Variants in SCN4A observed in about 807,000 individuals in gnomAD.
SCN4A encodes sodium channel protein type 4 subunit alpha.
In SCN4A, 83 loss-of-function variants were observed where a neutral mutation model predicts 162.0. That is an observed-to-expected ratio of 0.51 (90% confidence interval 0.43 to 0.61). The LOEUF (loss-of-function observed/expected upper bound fraction) is 0.61. SCN4A is among the 20% of genes least tolerant of loss of function. The probability of loss-of-function intolerance (pLI) is 0.00; values close to 1 mark genes in which losing one functional copy is unlikely to be tolerated. For synonymous variants in SCN4A, 944 were observed against 985.1 expected (o/e 0.96, Z 0.78); for missense variants, 2,196 against 2,462.5 (o/e 0.89, Z 2.29).
In SCN4A at chr17:63,957,484, G is replaced by A. The variant is rs140022722; in HGVS notation, c.2054C>T (p.Thr685Met). The A allele has an allele frequency of 2.2e-5, 35 of 1,613,150 alleles. No individual in the cohort carries two copies. In the African/African-American group the frequency reaches 3.2e-4, roughly 15 times the overall value. ...AATGATCTTGATGAGCATGTTCAGCGTTGGCCACGACTTGGCCAGCTTGAA... is the reference window on the plus strand; with the variant it reads ...AATGATCTTGATGAGCATGTTCAGCATTGGCCACGACTTGGCCAGCTTGAA... ...RVFKLAKSWP[T>M]LNMLIKIIGN... The change falls in exon 13 of 24, where the codon ACG becomes ATG. Residue 685 changes from threonine to methionine, a missense_variant. Thr to Met is a moderately conservative substitution (Grantham distance 81). Transcript: ENST00000435607.
intron 22 of SCN4A, 22 bp downstream of exon 22, chr17:63,943,724 C>T (rs1214185018): frequency 1.0e-5 from 15 of 1,480,788 alleles, no homozygotes; most frequent in Non-Finnish European, 1.4e-5. Context: ...ACACACAGGA[C>T]AGGGGGCCCA....
intron 15 of SCN4A, 31 bp from the exon 16 acceptor site, chr17:63,948,796 A>G: frequency 6.4e-7 from 1 of 1,570,314 alleles, no homozygotes. Context: ...AGGGACAGGC[A>G]CCACATCATG....
At position 63,972,118 on chromosome 17, in the gene SCN4A, G is replaced by C; in HGVS notation, c.482+18C>G. ...CTGTGTCCCAGGGCTGGGGAGCTCA[G>C]GGAGCAGGGAGACTTACTCCACATT... On this transcript the variant is annotated intron_variant, in intron 3 of 23. Coordinates refer to ENST00000435607, the MANE Select transcript of SCN4A (RefSeq NM_000334.4). This position sits in a 1 kb window ranked among gnomAD's most constrained non-coding sequence, Gnocchi z 4.3. The C allele has an allele frequency of 6.3e-7, 1 of 1,593,006 alleles. No individual in the cohort carries two copies. Among genetic ancestry groups the C allele is most frequent in the Non-Finnish European group, 8.6e-7 (1 of 1,163,024 alleles).
intron 17 of SCN4A, 68 bp downstream of exon 17, chr17:63,947,822 C>A: frequency 4.6e-6 from 7 of 1,535,460 alleles, no homozygotes; most frequent in Non-Finnish European, 5.3e-6. Context: ...AGGGCGTGGG[C>A]TTCCTGAGGT....
chr17:63,948,235 G>A (rs1908791785), intron 16 of SCN4A, among the ~76,000 whole-genome samples, 172 bp from the exon 17 acceptor site: 1 of 152,134 alleles, frequency 6.6e-6, no homozygotes, highest in Admixed American at 6.5e-5. Flanking sequence ...GGGGATGAGA[G>A]CGTTTCCCAG....
chr17:63,949,291 G>A, intron 15 of SCN4A, 102 bp downstream of exon 15: 1 of 1,295,944 alleles, frequency 7.7e-7, no homozygotes, highest in East Asian at 2.6e-5. Context: ...GGGATGGCCA[G>A]GCAGCCCCAG....
chr17:63,972,850 C>A lies in SCN4A; in HGVS notation c.-9G>T. On this transcript the variant is annotated 5_prime_UTR_variant, in exon 1 of 24. Coordinates refer to ENST00000435607, the MANE Select transcript of SCN4A (RefSeq NM_000334.4). The surrounding 1 kb of genome is among the most constrained non-coding windows in gnomAD (Gnocchi z 4.3). ...AGAGATGGTCTGGCCATCCTCGCAT[C>A]CTGGGCTCAGAGACCAGAAGGGTGG... 1 of 1,600,712 alleles carries A rather than the reference C, an allele frequency of 6.2e-7. No individual in the cohort carries two copies. Among genetic ancestry groups the A allele is most frequent in the Non-Finnish European group, 8.5e-7 (1 of 1,172,430 alleles).
intron 12 of SCN4A, among the ~76,000 whole-genome samples, chr17:63,958,742 G>A (rs563097141): frequency 6.6e-6 from 1 of 152,296 alleles, no homozygotes; most frequent in South Asian, 2.1e-4. Flanking sequence ...TCGTAGAGAC[G>A]GAGTTTCACC....
chr17:63,960,741 A>G (rs1356893406), intron 11 of SCN4A, among the ~76,000 whole-genome samples: 1 of 151,756 alleles, frequency 6.6e-6, no homozygotes, highest in Non-Finnish European at 1.5e-5. Flanking sequence ...TGGGGGAGTA[A>G]CCCCTGCAGC....
intron 9 of SCN4A, 33 bp from the exon 10 acceptor site, chr17:63,963,858 C>T (rs1169476454): frequency 2.6e-6 from 4 of 1,568,572 alleles, no homozygotes; most frequent in Admixed American, 1.8e-5. Context: ...GGCAGGAAGT[C>T]CAGCTCTGAG....
intron 5 of SCN4A, among the ~76,000 whole-genome samples, chr17:63,969,696 T>C (rs747650221): frequency 1.3e-5 from 2 of 152,102 alleles, no homozygotes; most frequent in African/African-American, 4.8e-5. Context: ...CAGGCTGGAG[T>C]GCAGTGGTGT....
intron 18 of SCN4A, 60 bp downstream of exon 18, chr17:63,946,985 G>A: frequency 1.4e-6 from 2 of 1,463,204 alleles, no homozygotes; most frequent in Non-Finnish European, 1.9e-6. Context: ...CCTCCACCCT[G>A]CAGTGAAGGT....
chr17:63,943,331 T>A (rs1908607498), intron 22 of SCN4A, among the ~76,000 whole-genome samples: 2 of 58,714 alleles, frequency 3.4e-5, no homozygotes, highest in African/African-American at 9.7e-5. Flanking sequence ...TTTTATGGGG[T>A]TCATGGTCCT....
At chr17:63,957,083 A>G in intron 13 of SCN4A, 79 bp downstream of exon 13, 8 of 971,298 alleles carry the variant, frequency 8.2e-6, no homozygotes, top group Non-Finnish European at 1.2e-5. Context: ...TGTTGGGGAG[A>G]TAGAAAACAG....
At position 63,972,918 on chromosome 17, in the gene SCN4A, G is replaced by C. The variant is rs1909664165; in HGVS notation, c.-77C>G. ...TGCAGTGCGCAGCCCCGGGGTGCTG[G>C]GCGGCCGCCCCTCCCTGGGCGGGCC... On this transcript the variant is annotated 5_prime_UTR_variant, in exon 1 of 24. Coordinates refer to ENST00000435607, the MANE Select transcript of SCN4A (RefSeq NM_000334.4). This position sits in a 1 kb window ranked among gnomAD's most constrained non-coding sequence, Gnocchi z 4.3. 1 of 1,445,574 alleles carries C rather than the reference G, an allele frequency of 6.9e-7. No homozygotes were observed. The highest frequency in any genetic ancestry group is 1.4e-5 in the African/African-American group (1 of 70,388). 89.5% of individuals were successfully genotyped at this position (1,445,574 alleles called of 1,614,324 possible).
intron 13 of SCN4A, among the ~76,000 whole-genome samples, chr17:63,952,987 C>T (rs2144788528): frequency 6.6e-6 from 1 of 152,308 alleles, no homozygotes; most frequent in African/African-American, 2.4e-5. Context: ...GGCAATTTGC[C>T]TCACTGCCCT....
chr17:63,966,661 G>A (rs1597984288), intron 6 of SCN4A, 117 bp from the exon 7 acceptor site: 2 of 740,296 alleles, frequency 2.7e-6, no homozygotes, highest in African/African-American at 1.7e-5. Flanking sequence ...CCAAACGGAT[G>A]TTCCCTGGCT....
intron 13 of SCN4A, among the ~76,000 whole-genome samples, chr17:63,952,558 G>A (rs1415359558): frequency 6.6e-6 from 1 of 152,168 alleles, no homozygotes; most frequent in Non-Finnish European, 1.5e-5. Flanking sequence ...TATCTTTTGT[G>A]CCTTCTTCTC....
intron 4 of SCN4A, 48 bp downstream of exon 4, chr17:63,971,674 C>T: frequency 2.6e-6 from 4 of 1,540,786 alleles, no homozygotes; most frequent in Non-Finnish European, 3.5e-6. Context: ...GCCTGGCCCC[C>T]TCCCCTCACC....
Sources: gnomAD v4.1 joint callset for allele counts (sites outside exome capture counted in the v4.1 genomes callset) on GRCh38, gnomAD v4.1.1 for gene constraint, Gnocchi (gnomAD v3.1) non-coding constraint, MANE v1.5 for transcripts, NCBI Gene and HGNC (gene_info 2026-07-23, HGNC 2026-07-21) for gene names.